Variants in LRPPRC observed in about 807,000 individuals in gnomAD.
LRPPRC encodes leucine-rich PPR motif-containing protein, mitochondrial.
LRPPRC carries 120 observed loss-of-function variants against 180.3 expected under a neutral mutation model. The observed-to-expected ratio is 0.67, with a 90% confidence interval of 0.57 to 0.77. LRPPRC has a LOEUF of 0.77. LRPPRC is among the 30% of genes least tolerant of loss of function. The pLI is 0.00. For synonymous variants in LRPPRC, 723 were observed against 600.0 expected (o/e 1.21, Z -3.00); for missense variants, 2,012 against 1,657.2 (o/e 1.21, Z -3.72).
At chr2:43,933,718 G>A (rs1558965068) in intron 25 of LRPPRC, among the ~76,000 whole-genome samples, 3 of 152,084 alleles carry the variant, frequency 2.0e-5, no homozygotes, top group Non-Finnish European at 4.4e-5. Flanking sequence ...AAAAGAAGAA[G>A]AAAATTTAAA....
chr2:43,895,668 G>A (rs1214271017), intron 35 of LRPPRC, among the ~76,000 whole-genome samples: 1 of 152,104 alleles, frequency 6.6e-6, no homozygotes, highest in African/African-American at 2.4e-5. Flanking sequence ...TAAAAGTGTA[G>A]GTATATCTAG....
intron 12 of LRPPRC, among the ~76,000 whole-genome samples, chr2:43,962,042 C>T (rs1673368693): frequency 6.6e-6 from 1 of 152,182 alleles, no homozygotes; most frequent in African/African-American, 2.4e-5. Context: ...AATCCCAAAA[C>T]ACTCAATACT....
intron 1 of LRPPRC, among the ~76,000 whole-genome samples, chr2:43,995,380 T>A (rs189405025): frequency 6.6e-6 from 1 of 152,042 alleles, no homozygotes; most frequent in South Asian, 2.1e-4. Context: ...AAAGCTAAAT[T>A]TCCAATATCT....
At chr2:43,902,185 C>T (rs528444236) in intron 31 of LRPPRC, 3 of 152,352 alleles carry the variant, frequency 2.0e-5, no homozygotes, top group East Asian at 1.9e-4. Context: ...TTAGCCCCAT[C>T]GGTAAGTTGA....
intron 1 of LRPPRC, among the ~76,000 whole-genome samples, chr2:43,985,071 GAT>G (rs1343895523): frequency 3.4e-5 from 5 of 144,986 alleles, no homozygotes; most frequent in African/African-American, 1.3e-4. Flanking sequence ...AAAAAAAAAA[GAT>G]ATAAGGGATC....
At position 43,918,129 on chromosome 2, in the gene LRPPRC, C is replaced by T; in HGVS notation, c.3044G>A (p.Trp1015Ter). ...CAGGGAATGTTTTTCATCTTCATAC[C>T]ACAACTTTAAAACAAAGTTATTCTG... ...QEVPFDVPEL[W>*]YEDEKHSLNS... Residue 1015 changes from tryptophan to a stop codon, truncating the protein, a stop_gained, in exon 29 of 38, where the codon TGG becomes TAG. Transcript: ENST00000260665. LOFTEE classifies it high-confidence loss of function. The T allele has an allele frequency of 6.2e-7, 1 of 1,612,624 alleles. No homozygotes were observed. Among genetic ancestry groups the T allele is most frequent in the Non-Finnish European group, 8.5e-7 (1 of 1,178,830 alleles).
Position 43,888,329 on chromosome 2 carries a change from G to A in LRPPRC, c.*271C>T. ...AATGAAACAGAGCAGGGAAACCAAA[G>A]AGCCAATTAGGGGAAGAATCCTGAA... On this transcript the variant is annotated 3_prime_UTR_variant, in exon 38 of 38. Transcript: ENST00000260665. The A allele has an allele frequency of 2.7e-6, 1 of 369,330 alleles. No homozygotes were observed. Among genetic ancestry groups the A allele is most frequent in the Non-Finnish European group, 5.0e-6 (1 of 198,424 alleles). 22.9% of individuals were successfully genotyped at this position (369,330 alleles called of 1,614,324 possible).
chr2:43,963,992 C>T (rs1211768461), intron 11 of LRPPRC, among the ~76,000 whole-genome samples: 2 of 152,174 alleles, frequency 1.3e-5, no homozygotes, highest in Non-Finnish European at 2.9e-5. Flanking sequence ...ACATTTCTGG[C>T]ACCCCAAACA....
chr2:43,949,684 T>C (rs200950668), intron 15 of LRPPRC, 25 bp from the exon 16 acceptor site: 6 of 1,535,614 alleles, frequency 3.9e-6, no homozygotes, highest in East Asian at 2.2e-5. Context: ...AATTCGTGCA[T>C]TGCAGCAAGA....
chr2:43,948,592 G>C lies in LRPPRC; in HGVS notation c.1736-74C>G, dbSNP rs1672784327. 4.8e-6 allele frequency: 4 copies of C among 827,326 alleles called. No individual in the cohort carries two copies. In the African/African-American group the frequency reaches 6.7e-5, roughly 14 times the overall value. 51.2% of individuals were successfully genotyped at this position (827,326 alleles called of 1,614,324 possible). A position where few individuals can be genotyped will look rare whatever the true frequency, so the allele number is the denominator to read the frequency against. On this transcript the variant is annotated intron_variant, in intron 16 of 37. Coordinates refer to ENST00000260665, the MANE Select transcript of LRPPRC (RefSeq NM_133259.4). ...TCATGTTATCAAGATTAATTTATAA[G>C]AAATCATTTTGGTGTGAGATGTCAC...
At position 43,992,448 on chromosome 2, in the gene LRPPRC, G is replaced by A. The variant is rs189357969; in HGVS notation, c.149+3351C>T. On this transcript the variant is annotated intron_variant, in intron 1 of 37. Coordinates refer to ENST00000260665, the MANE Select transcript of LRPPRC (RefSeq NM_133259.4). ...GCAGGATGCCATGGGAGGGAACTCAGAAGAGTTGACGCTCCAGAGGCAACT... is the reference window on the plus strand; with the variant it reads ...GCAGGATGCCATGGGAGGGAACTCAAAAGAGTTGACGCTCCAGAGGCAACT... Among the ~76,000 whole-genome samples, 405 of 152,306 alleles carry A rather than the reference G, an allele frequency of 2.7e-3. 8 individuals carry two copies. The highest frequency in any genetic ancestry group is 8.7e-4 in the Non-Finnish European group (59 of 68,024).
rs546722877 is a variant in LRPPRC, at chr2:43,952,189, G to A, written c.1650-1589C>T. Among the ~76,000 whole-genome samples, 19 of 149,902 alleles carry A rather than the reference G, an allele frequency of 1.3e-4. No individual in the cohort carries two copies. The East Asian group carries it at 1.6e-3, about 12-fold the overall frequency. ...GCCTGGGCAACAAGAGCGAAATTCC[G>A]TCTCAAAAGAAAAAAAAAAAACAAC... On this transcript the variant is annotated intron_variant, in intron 14 of 37. Coordinates refer to ENST00000260665, the MANE Select transcript of LRPPRC (RefSeq NM_133259.4).
rs771193632 is a variant in LRPPRC at position 43,901,571 on chromosome 2, G to C, written c.3365-47C>G. 9.0e-6 allele frequency: 11 copies of C among 1,216,796 alleles called. No individual in the cohort carries two copies. The South Asian group carries it at 1.2e-4, about 13-fold the overall frequency. The allele number at this position is 1,216,796 out of a possible 1,614,324, so 75.4% of individuals were successfully genotyped here. On this transcript the variant is annotated intron_variant, in intron 31 of 37. Transcript: ENST00000260665. ...TGGCTTTTCTTATATGACCTGTGCT[G>C]ACTTTAATGCATTTTGAAAACCAGC...
intron 36 of LRPPRC, chr2:43,890,304 T>C: frequency 2.1e-6 from 1 of 466,828 alleles, no homozygotes; most frequent in Non-Finnish European, 4.4e-6. Flanking sequence ...GTCAATTATG[T>C]AGAAATCTAC....
intron 25 of LRPPRC, among the ~76,000 whole-genome samples, chr2:43,933,014 T>C (rs971058362): frequency 1.3e-5 from 2 of 152,172 alleles, no homozygotes; most frequent in Admixed American, 6.5e-5. Context: ...AGACAGCTCT[T>C]CTCACATTTG....
chr2:43,899,591 GCAT>G lies in LRPPRC; in HGVS notation c.3581_3583del (p.Asp1194del). Reference sequence around the variant, plus strand: ...CATATTTTCAATGTTTTCTATTGCGGCATCTATGTTATTACTGTTAAAAGCAAA... The same window carrying G: ...CATATTTTCAATGTTTTCTATTGCGGCTATGTTATTACTGTTAAAAGCAAA... On this transcript the variant is annotated inframe_deletion, in exon 33 of 38. Transcript: ENST00000260665. 2 of 1,609,412 alleles carry G rather than the reference GCAT, an allele frequency of 1.2e-6. No individual in the cohort carries two copies. The highest frequency in any genetic ancestry group is 1.7e-6 in the Non-Finnish European group (2 of 1,176,026).
intron 14 of LRPPRC, among the ~76,000 whole-genome samples, chr2:43,957,132 G>T (rs1357279211): frequency 1.3e-5 from 2 of 152,128 alleles, no homozygotes; most frequent in Non-Finnish European, 2.9e-5. Context: ...TTGCCATTTT[G>T]AAACAGGACT....
At chr2:43,896,429 G>T in intron 35 of LRPPRC, 2 of 492,066 alleles carry the variant, frequency 4.1e-6, no homozygotes, top group South Asian at 2.1e-5. Context: ...CTGTGTAAGT[G>T]GAAAATTCCT....
chr2:43,902,835 A>T (rs1670937761), intron 31 of LRPPRC: 1 of 152,188 alleles, frequency 6.6e-6, no homozygotes, highest in Admixed American at 6.5e-5. Flanking sequence ...ACAGTACATC[A>T]AAACAATAAT....
Sources: allele counts gnomAD v4.1 joint callset (sites outside exome capture counted in the v4.1 genomes callset), GRCh38; gene constraint gnomAD v4.1.1; transcripts MANE v1.5; gene names NCBI Gene and HGNC (gene_info 2026-07-23, HGNC 2026-07-21).